SYT14: variants seen among roughly 807,000 people sequenced by gnomAD.
SYT14 encodes synaptotagmin 14.
Under a neutral mutation model 74.2 loss-of-function variants are expected in SYT14, and 32 were observed. The ratio of observed to expected loss-of-function variants is 0.43; its 90% CI spans 0.33 to 0.58. SYT14 has a LOEUF of 0.58. Among genes scored for constraint, SYT14 ranks in the 20% least tolerant of loss-of-function variants. The probability of loss-of-function intolerance (pLI) is 0.05; values close to 1 mark genes in which losing one functional copy is unlikely to be tolerated. For synonymous variants in SYT14, 298 were observed against 337.7 expected (o/e 0.88, Z 1.29); for missense variants, 791 against 981.8 (o/e 0.81, Z 2.60).
intron 2 of SYT14, among the ~76,000 whole-genome samples, chr1:210,011,650 A>G (rs574917246): frequency 3.3e-5 from 5 of 152,332 alleles, no homozygotes; most frequent in South Asian, 2.1e-4. Context: ...AAAGGAAATC[A>G]AAGCACTCAT....
intron 5 of SYT14, among the ~76,000 whole-genome samples, chr1:210,021,650 A>G (rs562221656): frequency 3.3e-5 from 5 of 152,292 alleles, no homozygotes; most frequent in South Asian, 2.1e-4. Flanking sequence ...GTAAATGTAT[A>G]CTGTCTCATT....
intron 2 of SYT14, among the ~76,000 whole-genome samples, chr1:209,995,287 G>A (rs763312828): frequency 1.1e-4 from 16 of 152,244 alleles, no homozygotes; most frequent in Non-Finnish European, 1.8e-4. Context: ...AAAGGAAAGG[G>A]ATGGAGAAAG....
chr1:209,938,706 T>G (rs1437406579), intron 1 of SYT14, among the ~76,000 whole-genome samples: 1 of 152,064 alleles, frequency 6.6e-6, no homozygotes, highest in East Asian at 1.9e-4. Flanking sequence ...AAACCATCCT[T>G]CCGCAATACC....
At chr1:210,046,084 C>T (rs993002686) in intron 5 of SYT14, among the ~76,000 whole-genome samples, 1 of 152,064 alleles carries the variant, frequency 6.6e-6, no homozygotes, top group African/African-American at 2.4e-5. Flanking sequence ...TTAAAATTTA[C>T]TCATGGCTGG....
chr1:209,975,140 C>T (rs1243291978), intron 2 of SYT14, among the ~76,000 whole-genome samples: 1 of 152,172 alleles, frequency 6.6e-6, no homozygotes, highest in African/African-American at 2.4e-5. Flanking sequence ...TCTAGATATA[C>T]AATCACGTCA....
intron 2 of SYT14, among the ~76,000 whole-genome samples, chr1:209,974,429 T>C (rs1045429191): frequency 2.6e-5 from 4 of 152,248 alleles, no homozygotes; most frequent in Non-Finnish European, 5.9e-5. Flanking sequence ...TTTCTACATA[T>C]GGCTAGCCAG....
rs1223503061 is a variant in SYT14, at chr1:210,056,170, A to G, written c.1312+34916A>G. ...TACATTTGATGACATCGTATTATAA[A>G]AGCTGTACTCAACTAAATATTTCCA... is the stretch of plus-strand genomic sequence containing the variant. On this transcript the variant is annotated intron_variant, in intron 5 of 9. Coordinates refer to ENST00000637265, the Ensembl canonical transcript of SYT14. 2.6e-5 allele frequency among the ~76,000 whole-genome samples: 4 copies of G among 152,262 alleles called. No homozygotes were observed. The South Asian group carries it at 6.2e-4, about 24-fold the overall frequency.
chr1:210,098,029 G>A (rs996963527), intron 6 of SYT14, among the ~76,000 whole-genome samples: 1 of 152,080 alleles, frequency 6.6e-6, no homozygotes, highest in Non-Finnish European at 1.5e-5. Flanking sequence ...AAAAAATTTA[G>A]CCAGGTGTGG....
At chr1:210,159,285 T>G (rs1409344348) in intron 8 of SYT14, 136 bp from the exon 8 acceptor site, 13 of 860,848 alleles carry the variant, frequency 1.5e-5, no homozygotes, top group Non-Finnish European at 2.3e-5. Flanking sequence ...CTATCTGAAT[T>G]AAAATGCTAA....
intron 2 of SYT14, among the ~76,000 whole-genome samples, chr1:209,990,754 T>TA (rs11371735): frequency 0.54 from 81,494 of 150,036 alleles, 23,437 homozygotes; most frequent in African/African-American, 0.73. Flanking sequence ...TATATACCCA[T>TA]AAAAAATTTA....
At chr1:210,000,273 A>C (rs1034041589) in intron 2 of SYT14, among the ~76,000 whole-genome samples, 12 of 152,254 alleles carry the variant, frequency 7.9e-5, no homozygotes, top group African/African-American at 2.6e-4. Context: ...AATTTGGACA[A>C]ATTCTTTCAT....
chr1:210,013,249 T>G (rs765341393), intron 2 of SYT14, among the ~76,000 whole-genome samples: 4 of 152,072 alleles, frequency 2.6e-5, no homozygotes, highest in Non-Finnish European at 4.4e-5. Context: ...TTTTGCATTT[T>G]TAGTAGAGAC....
Position 209,965,638 on chromosome 1 carries a change from G to A in SYT14, c.-486+12882G>A, listed in dbSNP as rs758167473. On this transcript the variant is annotated intron_variant, in intron 2 of 9. Coordinates refer to ENST00000637265, the Ensembl canonical transcript of SYT14. ...TAGTTCTTTGAGAAATCTCCAGACT[G>A]CTTTCCACAGGGACTGAACTAATTT... is the stretch of plus-strand genomic sequence containing the variant. 5.4e-4 allele frequency among the ~76,000 whole-genome samples: 82 copies of A among 152,258 alleles called. 1 individual carries two copies. Among genetic ancestry groups the A allele is most frequent in the Middle Eastern group, 3.4e-3 (1 of 292 alleles).
chr1:210,148,284 G>A (rs1027405930), intron 7 of SYT14, among the ~76,000 whole-genome samples: 3 of 152,060 alleles, frequency 2.0e-5, no homozygotes, highest in African/African-American at 4.8e-5. Flanking sequence ...CGAGGTGGGC[G>A]GATCACGAGG....
At chr1:209,949,387 A>C (rs887649228) in intron 1 of SYT14, among the ~76,000 whole-genome samples, 2 of 152,012 alleles carry the variant, frequency 1.3e-5, no homozygotes, top group Non-Finnish European at 2.9e-5. Flanking sequence ...ATCCTGGGCA[A>C]CATAGTGAAA....
At chr1:210,114,979 G>GA (rs1198821874) in intron 7 of SYT14, among the ~76,000 whole-genome samples, 2 of 151,110 alleles carry the variant, frequency 1.3e-5, no homozygotes, top group Non-Finnish European at 2.9e-5. Flanking sequence ...AGGAGGGAAA[G>GA]AAGGAATATT....
chr1:210,154,549 GA>G (rs2083231102), intron 7 of SYT14, among the ~76,000 whole-genome samples: 1 of 152,068 alleles, frequency 6.6e-6, no homozygotes, highest in South Asian at 2.1e-4. Context: ...ATGGTCTCTA[GA>G]ATATGTAGTG....
chr1:210,050,006 G>A (rs1180060088), intron 5 of SYT14, among the ~76,000 whole-genome samples: 1 of 152,154 alleles, frequency 6.6e-6, no homozygotes, highest in African/African-American at 2.4e-5. Flanking sequence ...GAGTTTTAAC[G>A]TTTGGTTCCT....
chr1:210,011,465 T>C (rs977873672), intron 2 of SYT14, among the ~76,000 whole-genome samples: 4 of 152,212 alleles, frequency 2.6e-5, no homozygotes, highest in African/African-American at 9.6e-5. Flanking sequence ...CAGCCTGATA[T>C]CCAGCTAGCA....
Sources: gnomAD v4.1 joint callset for allele counts (sites outside exome capture counted in the v4.1 genomes callset) on GRCh38, gnomAD v4.1.1 for gene constraint, MANE v1.5 for transcripts, NCBI Gene and HGNC (gene_info 2026-07-23, HGNC 2026-07-21) for gene names.